The following TDRD10 variants were observed in gnomAD, a reference collection of about 807,000 sequenced individuals.
TDRD10 encodes tudor domain containing 10.
TDRD10 carries 40 observed loss-of-function variants against 48.0 expected under a neutral mutation model. The ratio of observed to expected loss-of-function variants is 0.83; its 90% CI spans 0.65 to 1.09. The LOEUF (loss-of-function observed/expected upper bound fraction) is 1.09, where lower values mean the gene tolerates loss of function less well. TDRD10 is among the 50% of genes least tolerant of loss of function. TDRD10 has a pLI of 0.00. For missense variants in TDRD10, 378 were observed against 434.7 expected, an observed-to-expected ratio of 0.87 and a Z score of 1.16; for synonymous variants, 162 against 170.4, an observed-to-expected ratio of 0.95 and a Z score of 0.38.
At chr1:154,547,598 CGAACTGGTTATCTGAGGGGTTGGGT>C in intron 12 of TDRD10, 55 bp from the exon 13 acceptor site, 2 of 1,614,206 alleles carry the variant, frequency 1.2e-6, no homozygotes, top group Non-Finnish European at 1.7e-6. Flanking sequence ...TTAGATCAAA[CGAACTGGTTATCTGAGGGGTTGGGT>C]GAACTGGCTC....
rs759698023 is a variant in TDRD10, at chr1:154,547,711, C to T, written c.*1C>T. 24 of 1,613,266 alleles carry T rather than the reference C, an allele frequency of 1.5e-5. No homozygotes were observed. Among genetic ancestry groups the T allele is most frequent in the East Asian group, 1.3e-4 (6 of 44,892 alleles). ...CCTAAAGTTTGAAGAGTCTAAATAA[C>T]GGGGCTTCCCTCAGCATGTTCCCTC... On this transcript the variant is annotated 3_prime_UTR_variant, in exon 13 of 13. Coordinates refer to ENST00000368482, the MANE Select transcript of TDRD10 (RefSeq NM_182499.4).
intron 4 of TDRD10, 84 bp from the exon 5 acceptor site, chr1:154,520,220 C>G: frequency 1.1e-6 from 1 of 950,248 alleles, no homozygotes; most frequent in Non-Finnish European, 1.7e-6. Flanking sequence ...TGAGTCCAGA[C>G]TAGCTGGCTG....
At chr1:154,504,184 G>A (rs910952335) in intron 1 of TDRD10, among the ~76,000 whole-genome samples, 4 of 152,164 alleles carry the variant, frequency 2.6e-5, no homozygotes, top group African/African-American at 9.7e-5. Context: ...CATCCAGGTC[G>A]TATAGCATGT....
intron 11 of TDRD10, among the ~76,000 whole-genome samples, chr1:154,545,927 A>AT (rs559924225): frequency 0.086 from 7,366 of 85,450 alleles, 706 homozygotes; most frequent in Non-Finnish European, 0.11. Context: ...CACCCAGCTA[A>AT]TTTTTTTTTT....
intron 4 of TDRD10, among the ~76,000 whole-genome samples, chr1:154,510,604 A>G (rs1017096573): frequency 6.6e-6 from 1 of 151,870 alleles, no homozygotes; most frequent in African/African-American, 2.4e-5. Flanking sequence ...AAAAACAAAA[A>G]CAAAAACAAA....
chr1:154,520,861 C>T (rs1048814970), intron 5 of TDRD10, among the ~76,000 whole-genome samples: 5 of 152,132 alleles, frequency 3.3e-5, no homozygotes, highest in Non-Finnish European at 5.9e-5. Flanking sequence ...CCTCAGCCTC[C>T]GAAGTAGCTG....
chr1:154,503,816 C>T (rs1013376427), intron 1 of TDRD10, among the ~76,000 whole-genome samples: 1 of 152,104 alleles, frequency 6.6e-6, no homozygotes, highest in Non-Finnish European at 1.5e-5. Context: ...TGAAGAAATG[C>T]GTGCTCATAC....
At chr1:154,544,616 T>C (rs1166208591) in intron 10 of TDRD10, 99 bp downstream of exon 10, 12 of 1,500,074 alleles carry the variant, frequency 8.0e-6, no homozygotes, top group South Asian at 1.3e-5. Flanking sequence ...TTTTTTCCTG[T>C]GGCTTCTTCT....
chr1:154,544,340 G>T (rs1218522120), intron 9 of TDRD10, 32 bp from the exon 10 acceptor site: 2 of 1,561,096 alleles, frequency 1.3e-6, no homozygotes, highest in African/African-American at 2.7e-5. Context: ...TGCAGTGCAG[G>T]CAGTGGGGCC....
rs977102023 is a variant in TDRD10 at position 154,542,145 on chromosome 1, C to G, written c.412+79C>G. The G allele has an allele frequency of 3.4e-6, 5 of 1,465,816 alleles. No homozygotes were observed. In the South Asian group the frequency reaches 5.9e-5, roughly 17 times the overall value. 90.8% of individuals were successfully genotyped at this position (1,465,816 alleles called of 1,614,324 possible). A position where few individuals can be genotyped will look rare whatever the true frequency, so the allele number is the denominator to read the frequency against. On this transcript the variant is annotated intron_variant, in intron 7 of 12. Coordinates refer to ENST00000368482, the MANE Select transcript of TDRD10 (RefSeq NM_182499.4). ...GGACCTCTTCCAGCCCCTTCTGCAGCCTCCCTTCCAGCTCAGTCCCCTGAT... is the reference window on the plus strand; with the variant it reads ...GGACCTCTTCCAGCCCCTTCTGCAGGCTCCCTTCCAGCTCAGTCCCCTGAT...
At chr1:154,534,634 T>A (rs1249445213) in intron 6 of TDRD10, 1 of 152,252 alleles carries the variant, frequency 6.6e-6, no homozygotes, top group Non-Finnish European at 1.5e-5. Flanking sequence ...GTTTTCTTTT[T>A]AATAGATGTT....
At chr1:154,540,698 G>A (rs777915793) in intron 6 of TDRD10, among the ~76,000 whole-genome samples, 41 of 152,150 alleles carry the variant, frequency 2.7e-4, no homozygotes, top group Non-Finnish European at 5.3e-4. Context: ...GAATGATGAG[G>A]GCTGGGGCTG....
chr1:154,547,744 TGCCACGGATCCAGAG>T lies in TDRD10; in HGVS notation c.*40_*54del. ...CCCTCAGCATGTTCCCTCTCCTGTTTGCCACGGATCCAGAGGCCACCTGCCCTGTCTTCTCGTACC... is the reference window on the plus strand; with the variant it reads ...CCCTCAGCATGTTCCCTCTCCTGTTTGCCACCTGCCCTGTCTTCTCGTACC... On this transcript the variant is annotated 3_prime_UTR_variant, in exon 13 of 13. Coordinates refer to ENST00000368482, the MANE Select transcript of TDRD10 (RefSeq NM_182499.4). 1 of 1,612,348 alleles carries T rather than the reference TGCCACGGATCCAGAG, an allele frequency of 6.2e-7. No homozygotes were observed. Among genetic ancestry groups the T allele is most frequent in the Non-Finnish European group, 8.5e-7 (1 of 1,179,766 alleles).
intron 6 of TDRD10, among the ~76,000 whole-genome samples, chr1:154,528,324 C>T (rs1029168065): frequency 5.9e-5 from 9 of 151,718 alleles, no homozygotes; most frequent in African/African-American, 1.9e-4. Context: ...CTCCTGGGTT[C>T]GAGATTCTCC....
intron 6 of TDRD10, among the ~76,000 whole-genome samples, chr1:154,538,849 T>C (rs1695068528): frequency 1.0e-5 from 1 of 99,638 alleles, no homozygotes; most frequent in Non-Finnish European, 2.3e-5. Context: ...CGAGACTCCA[T>C]CTCACGGTGC....
At chr1:154,533,377 C>G (rs1694753164) in intron 6 of TDRD10, among the ~76,000 whole-genome samples, 1 of 140,746 alleles carries the variant, frequency 7.1e-6, no homozygotes, top group African/African-American at 2.6e-5. Flanking sequence ...TTTTTCTGGA[C>G]CTACTGGTGT....
chr1:154,538,306 T>C (rs931154652), intron 6 of TDRD10, among the ~76,000 whole-genome samples: 8 of 152,052 alleles, frequency 5.3e-5, no homozygotes, highest in Non-Finnish European at 1.2e-4. Flanking sequence ...CCCAGCACTT[T>C]GGGAGGCCGA....
At chr1:154,508,933 T>A (rs1199065327) in intron 4 of TDRD10, among the ~76,000 whole-genome samples, 1 of 152,162 alleles carries the variant, frequency 6.6e-6, no homozygotes, top group African/African-American at 2.4e-5. Flanking sequence ...AGCAATCGTA[T>A]TTTTGACCCC....
intron 4 of TDRD10, among the ~76,000 whole-genome samples, chr1:154,519,881 A>C (rs4288587): frequency 6.6e-6 from 1 of 151,868 alleles, no homozygotes; most frequent in Non-Finnish European, 1.5e-5. Flanking sequence ...TTCCGGGAAG[A>C]GGAAGGGAAC....
Sources: gnomAD v4.1 joint callset for allele counts (sites outside exome capture counted in the v4.1 genomes callset) on GRCh38, gnomAD v4.1.1 for gene constraint, MANE v1.5 for transcripts, NCBI Gene and HGNC (gene_info 2026-07-23, HGNC 2026-07-21) for gene names.